Variants in NEK10 observed in about 807,000 individuals in gnomAD.
NEK10 encodes the protein serine/threonine-protein kinase Nek10.
Under a neutral mutation model 159.8 loss-of-function variants are expected in NEK10, and 122 were observed. That is an observed-to-expected ratio of 0.76 (90% CI 0.66 to 0.89). The LOEUF is 0.89. Among genes scored for constraint, NEK10 ranks in the 40% least tolerant of loss-of-function variants. The probability of loss-of-function intolerance (pLI) is 0.00; values close to 1 mark genes in which losing one functional copy is unlikely to be tolerated. For missense variants in NEK10, 1,342 were observed against 1,323.1 expected (o/e 1.01, Z -0.22); for synonymous variants, 466 against 457.1 (o/e 1.02, Z -0.25).
chr3:27,171,548 G>A (rs929744929), intron 29 of NEK10, among the ~76,000 whole-genome samples: 13 of 152,016 alleles, frequency 8.6e-5, no homozygotes, highest in South Asian at 2.1e-4. Flanking sequence ...GCCCTACCCC[G>A]CCGGCCCACC....
chr3:27,191,704 GCAGT>G (rs771696521), intron 26 of NEK10, among the ~76,000 whole-genome samples: 5 of 152,144 alleles, frequency 3.3e-5, no homozygotes, highest in Non-Finnish European at 5.9e-5. Context: ...CCCAAAAGTT[GCAGT>G]CAGATTGCTG....
chr3:27,183,342 A>T (rs1390838596), intron 26 of NEK10, among the ~76,000 whole-genome samples: 1 of 151,490 alleles, frequency 6.6e-6, no homozygotes, highest in Non-Finnish European at 1.5e-5. Flanking sequence ...AATCCATGGG[A>T]AAAGACTAGA....
intron 7 of NEK10, among the ~76,000 whole-genome samples, chr3:27,313,319 A>G (rs975722866): frequency 2.0e-5 from 3 of 152,178 alleles, no homozygotes; most frequent in Non-Finnish European, 1.5e-5. Flanking sequence ...GTATTAATAA[A>G]TGCAAGCCTC....
At chr3:27,224,892 C>T (rs1952469246) in intron 23 of NEK10, among the ~76,000 whole-genome samples, 1 of 152,140 alleles carries the variant, frequency 6.6e-6, no homozygotes, top group Non-Finnish European at 1.5e-5. Flanking sequence ...ATAGTTAGTG[C>T]TCACAAAATG....
chr3:27,110,846 A>G lies in NEK10; in HGVS notation c.*426T>C, dbSNP rs1392538670. 6.5e-6 allele frequency: 1 copy of G among 153,942 alleles called. No homozygotes were observed. The highest frequency in any genetic ancestry group is 1.5e-5 in the Non-Finnish European group (1 of 68,958). The allele number at this position is 153,942 out of a possible 1,614,324, so 9.5% of individuals were successfully genotyped here. On this transcript the variant is annotated 3_prime_UTR_variant, in exon 36 of 36. Coordinates refer to ENST00000691995, the MANE Select transcript of NEK10 (RefSeq NM_001394966.1). ...ACTGTCTTTATCTAAAATATTTTTT[A>G]CATATGGAAGGCTAGATGTCTTTAA...
intron 6 of NEK10, among the ~76,000 whole-genome samples, chr3:27,320,478 A>G (rs1325564356): frequency 6.6e-6 from 1 of 152,236 alleles, no homozygotes; most frequent in Non-Finnish European, 1.5e-5. Flanking sequence ...AGACGGCACT[A>G]TGAATAATTA....
chr3:27,178,561 T>C (rs1237870579), intron 26 of NEK10, among the ~76,000 whole-genome samples: 1 of 152,262 alleles, frequency 6.6e-6, no homozygotes, highest in Non-Finnish European at 1.5e-5. Flanking sequence ...TAGAAATTCA[T>C]CCAGCTGAGG....
At chr3:27,130,946 T>C (rs954232879) in intron 32 of NEK10, among the ~76,000 whole-genome samples, 16 of 152,164 alleles carry the variant, frequency 1.1e-4, no homozygotes, top group Admixed American at 2.0e-4. Context: ...TGTGTCTTTT[T>C]CCCCCATCTG....
chr3:27,226,237 G>A (rs184147754), intron 23 of NEK10, among the ~76,000 whole-genome samples: 2 of 151,606 alleles, frequency 1.3e-5, no homozygotes, highest in Admixed American at 1.3e-4. Flanking sequence ...AGTAGAGACA[G>A]GGTTTCACCG....
intron 31 of NEK10, 69 bp downstream of exon 31, chr3:27,141,413 G>T: frequency 4.3e-6 from 5 of 1,171,536 alleles, no homozygotes; most frequent in Non-Finnish European, 5.0e-6. Context: ...CTCCAAAATA[G>T]TTCTTCAGCA....
Position 27,308,993 on chromosome 3 carries a change from A to C in NEK10, c.649T>G (p.Leu217Val), listed in dbSNP as rs764217005. ...TSGAHKTLVN[L>V]LGARDTNVLL... Reference sequence around the variant, plus strand: ...ACATTAGTATCTCGGGCACCAAGTAAATTTACTAATGTCTGAAAAATGAAG... The same window carrying C: ...ACATTAGTATCTCGGGCACCAAGTACATTTACTAATGTCTGAAAAATGAAG... Residue 217 changes from leucine to valine, a missense_variant, in exon 10 of 36, where the codon TTA becomes GTA. By Grantham distance (32) the Leu-to-Val change is conservative. Coordinates refer to ENST00000691995, the MANE Select transcript of NEK10 (RefSeq NM_001394966.1). 10 of 1,579,340 alleles carry C rather than the reference A, an allele frequency of 6.3e-6. No homozygotes were observed. The highest frequency in any genetic ancestry group is 7.8e-6 in the Non-Finnish European group (9 of 1,150,818).
At chr3:27,320,773 A>T (rs2045563543) in intron 6 of NEK10, among the ~76,000 whole-genome samples, 1 of 152,240 alleles carries the variant, frequency 6.6e-6, no homozygotes, top group African/African-American at 2.4e-5. Context: ...ATACAGTATG[A>T]GGAAGAGGAC....
At chr3:27,363,763 C>A (rs1322728354) in intron 1 of NEK10, 4 of 152,128 alleles carry the variant, frequency 2.6e-5, no homozygotes, top group African/African-American at 9.7e-5. Flanking sequence ...GTGTAGCATA[C>A]ACATGTGTAT....
chr3:27,323,683 T>C (rs143991336), intron 5 of NEK10, among the ~76,000 whole-genome samples: 21 of 152,326 alleles, frequency 1.4e-4, no homozygotes, highest in African/African-American at 4.8e-4. Context: ...TCTAAAGAAC[T>C]ATTTAACTTA....
intron 23 of NEK10, among the ~76,000 whole-genome samples, chr3:27,239,522 C>T (rs1187494281): frequency 2.6e-5 from 4 of 152,094 alleles, no homozygotes; most frequent in Non-Finnish European, 4.4e-5. Context: ...AGTAAATAAA[C>T]CCGTCTTTGG....
At chr3:27,246,124 C>T in intron 23 of NEK10, among the ~76,000 whole-genome samples, 1 of 152,136 alleles carries the variant, frequency 6.6e-6, no homozygotes, top group East Asian at 1.9e-4. Context: ...CATCAGAGAG[C>T]TTTCTTTCTT....
intron 23 of NEK10, chr3:27,255,060 G>C: frequency 6.1e-6 from 1 of 162,906 alleles, no homozygotes; most frequent in Non-Finnish European, 1.4e-5. Context: ...TGTTTTAATT[G>C]TTCTGCAATT....
At chr3:27,364,787 T>C (rs978720522) in intron 1 of NEK10, among the ~76,000 whole-genome samples, 1 of 152,204 alleles carries the variant, frequency 6.6e-6, no homozygotes, top group Non-Finnish European at 1.5e-5. Flanking sequence ...TCAAGGAACT[T>C]GGCCAAGATC....
chr3:27,125,852 G>T (rs1575408830), intron 32 of NEK10, among the ~76,000 whole-genome samples: 1 of 152,156 alleles, frequency 6.6e-6, no homozygotes, highest in East Asian at 1.9e-4. Context: ...ACTAAAAGAA[G>T]GCTGAAAAAC....
Sources: gnomAD v4.1 joint callset for allele counts (sites outside exome capture counted in the v4.1 genomes callset) on GRCh38, gnomAD v4.1.1 for gene constraint, MANE v1.5 for transcripts, NCBI Gene and HGNC (gene_info 2026-07-23, HGNC 2026-07-21) for gene names.